The following NFATC3 variants were observed in gnomAD, a reference collection of about 807,000 sequenced individuals.
The protein encoded by NFATC3 is nuclear factor of activated T-cells, cytoplasmic 3.
A neutral mutation model predicts 98.6 loss-of-function variants in NFATC3; 46 were observed. The observed-to-expected ratio is 0.47, with a 90% CI of 0.37 to 0.60. The LOEUF (loss-of-function observed/expected upper bound fraction) is 0.60. Among genes scored for constraint, NFATC3 ranks in the 20% least tolerant of loss-of-function variants. The pLI, the probability that NFATC3 is intolerant of heterozygous loss-of-function variation, is 0.00. For synonymous variants in NFATC3, 512 were observed against 472.2 expected, an observed-to-expected ratio of 1.08 and a Z score of -1.09; for missense variants, 1,256 against 1,295.5, an observed-to-expected ratio of 0.97 and a Z score of 0.47.
intron 1 of NFATC3, among the ~76,000 whole-genome samples, chr16:68,118,491 T>G (rs1481193348): frequency 6.6e-6 from 1 of 152,224 alleles, no homozygotes; most frequent in Non-Finnish European, 1.5e-5. Context: ...GCTGCATTCT[T>G]TTGGTTATTG....
chr16:68,122,712 T>A lies in NFATC3; in HGVS notation c.829T>A (p.Ser277Thr). 6.2e-7 allele frequency: 1 copy of A among 1,614,180 alleles called. No individual in the cohort carries two copies. The change falls in exon 2 of 10, where the codon TCC (serine) becomes ACC (threonine). Residue 277 changes from serine to threonine, a missense_variant. Physicochemically the swap from Ser to Thr is moderately conservative, Grantham distance 58 (BLOSUM62 1). This residue lies in a region of NFATC3 where 464 missense variants were observed against 465.7 expected (regional missense o/e 1.00). Transcript: ENST00000346183. ...ATCCCCCTGTGGGAAACGGAGGCAC[T>A]CCAGTGCTGAAGTTTGTTATGCTGG... is the stretch of plus-strand genomic sequence containing the variant. ...PTSPCGKRRH[S>T]SAEVCYAGSL...
At chr16:68,152,378 C>CAAAAAA (rs34713933) in intron 3 of NFATC3, among the ~76,000 whole-genome samples, 1 of 75,854 alleles carries the variant, frequency 1.3e-5, no homozygotes, top group African/African-American at 5.3e-5. Context: ...GACTCTGTCT[C>CAAAAAA]AAAAAAAAAA....
chr16:68,181,132 G>A (rs1000949484), intron 6 of NFATC3, among the ~76,000 whole-genome samples: 1 of 152,162 alleles, frequency 6.6e-6, no homozygotes, highest in Non-Finnish European at 1.5e-5. Context: ...CAGTGTAAAA[G>A]TGTTCCTATT....
At chr16:68,127,476 C>A (rs2036898224) in intron 3 of NFATC3, among the ~76,000 whole-genome samples, 1 of 151,852 alleles carries the variant, frequency 6.6e-6, no homozygotes, top group African/African-American at 2.4e-5. Flanking sequence ...CACTTGAGCC[C>A]AGGAATTTGA....
intron 3 of NFATC3, among the ~76,000 whole-genome samples, chr16:68,152,337 C>T (rs1211342516): frequency 6.8e-6 from 1 of 147,406 alleles, no homozygotes; most frequent in East Asian, 2.0e-4. Flanking sequence ...CAAGATCACG[C>T]CACAGCACTG....
At chr16:68,147,516 C>T (rs1239996895) in intron 3 of NFATC3, among the ~76,000 whole-genome samples, 2 of 152,160 alleles carry the variant, frequency 1.3e-5, no homozygotes, top group Non-Finnish European at 2.9e-5. Flanking sequence ...AGGCGCTCTG[C>T]TAGGCTCTGG....
chr16:68,102,261 A>G (rs2035404361), intron 1 of NFATC3, among the ~76,000 whole-genome samples: 1 of 150,650 alleles, frequency 6.6e-6, no homozygotes, highest in African/African-American at 2.4e-5. Context: ...AATCCCAGCT[A>G]CTTGGGAGAC....
chr16:68,170,024 C>T (rs543683340), intron 5 of NFATC3, among the ~76,000 whole-genome samples: 16 of 151,522 alleles, frequency 1.1e-4, no homozygotes, highest in Admixed American at 4.6e-4. Flanking sequence ...CCAGCCTGGG[C>T]GACAGAGTGA....
intron 1 of NFATC3, among the ~76,000 whole-genome samples, chr16:68,099,116 T>G (rs902486470): frequency 6.6e-6 from 1 of 152,090 alleles, no homozygotes; most frequent in Non-Finnish European, 1.5e-5. Flanking sequence ...ATATGTAGAT[T>G]AGTGTAACTA....
At chr16:68,127,709 C>G (rs1420521523) in intron 3 of NFATC3, among the ~76,000 whole-genome samples, 1 of 150,504 alleles carries the variant, frequency 6.6e-6, no homozygotes, top group East Asian at 1.9e-4. Context: ...AAAAGGAATT[C>G]CTAAAATATC....
chr16:68,223,973 G>A (rs765637331), intron 9 of NFATC3, among the ~76,000 whole-genome samples: 53 of 150,370 alleles, frequency 3.5e-4, no homozygotes, highest in Admixed American at 6.6e-4. Context: ...CTGGCCAGGC[G>A]CGGGGGCTCA....
chr16:68,085,674 C>G lies in NFATC3; in HGVS notation c.-8C>G. On this transcript the variant is annotated 5_prime_UTR_variant, in exon 1 of 10. Transcript: ENST00000346183. ...TGAGGAGGAGCTGCAGCACCCTGGG[C>G]CACGCCGATGACTACTGCAAACTGT... 1 of 1,511,634 alleles carries G rather than the reference C, an allele frequency of 6.6e-7. No individual in the cohort carries two copies. The highest frequency in any genetic ancestry group is 2.8e-5 in the East Asian group (1 of 35,610). 93.6% of individuals were successfully genotyped at this position (1,511,634 alleles called of 1,614,324 possible).
intron 8 of NFATC3, chr16:68,189,216 T>TAA (rs1353568543): frequency 6.6e-6 from 1 of 152,348 alleles, no homozygotes; most frequent in Non-Finnish European, 1.5e-5. Flanking sequence ...ATTGTAGCTT[T>TAA]GTGTAGTAAG....
rs536934502 is a variant in NFATC3 at position 68,152,783 on chromosome 16, T to C, written c.1402-5086T>C. On this transcript the variant is annotated intron_variant, in intron 3 of 9. Transcript: ENST00000346183. Reference sequence around the variant, plus strand: ...ATACTATTTTCTGATGTGAAACTTATGTGGAATTCCAAAGTAACCATCCAT... The same window carrying C: ...ATACTATTTTCTGATGTGAAACTTACGTGGAATTCCAAAGTAACCATCCAT... 2.5e-3 allele frequency among the ~76,000 whole-genome samples: 387 copies of C among 152,356 alleles called. 2 individuals carry two copies. Among genetic ancestry groups the C allele is most frequent in the Non-Finnish European group, 2.5e-3 (172 of 68,032 alleles).
At chr16:68,127,916 A>C (rs903314825) in intron 3 of NFATC3, among the ~76,000 whole-genome samples, 1 of 151,994 alleles carries the variant, frequency 6.6e-6, no homozygotes, top group African/African-American at 2.4e-5. Context: ...CATCCTCCCT[A>C]ACTTCTCCCC....
intron 3 of NFATC3, among the ~76,000 whole-genome samples, chr16:68,142,512 C>A (rs74629553): frequency 0.11 from 16,062 of 152,044 alleles, 971 homozygotes; most frequent in South Asian, 0.19. Context: ...AATCCCAACA[C>A]TGGGAGGCGA....
chr16:68,172,793 A>G (rs941337063), intron 5 of NFATC3, among the ~76,000 whole-genome samples: 5 of 152,172 alleles, frequency 3.3e-5, no homozygotes, highest in African/African-American at 1.2e-4. Flanking sequence ...TCCAACAAAC[A>G]AAAACAACCG....
At chr16:68,169,010 C>T (rs73612205) in intron 5 of NFATC3, among the ~76,000 whole-genome samples, 1,996 of 152,106 alleles carry the variant, frequency 0.013, 42 homozygotes, top group African/African-American at 0.045. Context: ...GTCTCGAACT[C>T]CTGGGCACAA....
intron 3 of NFATC3, among the ~76,000 whole-genome samples, chr16:68,137,912 G>A (rs1222083758): frequency 1.3e-5 from 2 of 151,952 alleles, no homozygotes; most frequent in Admixed American, 1.3e-4. Context: ...GAGCCACCGT[G>A]CCCGGCCGTA....
Sources: gnomAD v4.1 joint callset for allele counts (sites outside exome capture counted in the v4.1 genomes callset) on GRCh38, gnomAD v4.1.1 for gene constraint, gnomAD v4.1.1 regional missense constraint, MANE v1.5 for transcripts, NCBI Gene and HGNC (gene_info 2026-07-23, HGNC 2026-07-21) for gene names.